MSI2: variants seen among roughly 807,000 people sequenced by gnomAD.
MSI2 encodes musashi RNA binding protein 2, also known as RNA-binding protein Musashi homolog 2.
MSI2 carries 17 observed loss-of-function variants against 45.6 expected under a neutral mutation model. The observed-to-expected ratio is 0.37, with a 90% CI of 0.26 to 0.56. The LOEUF (loss-of-function observed/expected upper bound fraction) is 0.56, where lower values mean the gene tolerates loss of function less well. MSI2 is among the 20% of genes least tolerant of loss of function. The pLI is 0.77. For synonymous variants in MSI2, 156 were observed against 158.2 expected (o/e 0.99, Z 0.11); for missense variants, 293 against 444.2 (o/e 0.66, Z 3.06).
intron 6 of MSI2, among the ~76,000 whole-genome samples, chr17:57,426,493 T>C (rs2143339577): frequency 6.6e-6 from 1 of 152,372 alleles, no homozygotes; most frequent in African/African-American, 2.4e-5. Flanking sequence ...TTGGGATTTT[T>C]CTCCAATTAT....
intron 5 of MSI2, among the ~76,000 whole-genome samples, chr17:57,273,932 C>T (rs1039422940): frequency 7.2e-5 from 11 of 152,152 alleles, no homozygotes; most frequent in Non-Finnish European, 1.5e-4. Flanking sequence ...AGTGTCAGAG[C>T]GGGGGAACTG....
intron 5 of MSI2, among the ~76,000 whole-genome samples, chr17:57,337,112 T>G (rs1368602132): frequency 6.6e-6 from 1 of 152,244 alleles, no homozygotes; most frequent in Non-Finnish European, 1.5e-5. Flanking sequence ...CCATTTCTTT[T>G]GGCTCTTAAA....
intron 10 of MSI2, among the ~76,000 whole-genome samples, chr17:57,635,600 G>A (rs1283632984): frequency 6.6e-6 from 1 of 152,278 alleles, no homozygotes; most frequent in Non-Finnish European, 1.5e-5. Context: ...ACGTGTCATG[G>A]CTTGGTGCCC....
chr17:57,447,592 G>C (rs1320517657), intron 6 of MSI2, among the ~76,000 whole-genome samples: 1 of 151,978 alleles, frequency 6.6e-6, no homozygotes, highest in Admixed American at 6.6e-5. Flanking sequence ...GCATGGGTGG[G>C]GGGGGTGTCT....
At chr17:57,290,766 A>T (rs1309272101) in intron 5 of MSI2, among the ~76,000 whole-genome samples, 3 of 152,206 alleles carry the variant, frequency 2.0e-5, no homozygotes, top group African/African-American at 7.2e-5. Flanking sequence ...TCAGTGTTTA[A>T]TATCTCAGGT....
At chr17:57,621,928 C>T (rs1273822729) in intron 9 of MSI2, among the ~76,000 whole-genome samples, 2 of 152,188 alleles carry the variant, frequency 1.3e-5, no homozygotes, top group African/African-American at 2.4e-5. Context: ...TTTTGCAGGT[C>T]AGTGCAGTGG....
chr17:57,476,289 C>T (rs1435381945), intron 6 of MSI2, among the ~76,000 whole-genome samples: 1 of 152,140 alleles, frequency 6.6e-6, no homozygotes, highest in African/African-American at 2.4e-5. Flanking sequence ...CCTCTGCATC[C>T]ACACTGCATT....
intron 7 of MSI2, among the ~76,000 whole-genome samples, chr17:57,539,931 A>C (rs941832921): frequency 3.3e-5 from 5 of 152,218 alleles, no homozygotes; most frequent in African/African-American, 1.2e-4. Context: ...CAAATGCAGA[A>C]TCTTCCTCTG....
intron 9 of MSI2, among the ~76,000 whole-genome samples, chr17:57,620,957 G>T (rs1469134196): frequency 6.6e-6 from 1 of 152,194 alleles, no homozygotes; most frequent in East Asian, 1.9e-4. Context: ...GCATCCACTG[G>T]GAACTCCCTG....
intron 5 of MSI2, among the ~76,000 whole-genome samples, chr17:57,302,909 C>T (rs865867571): frequency 2.6e-5 from 4 of 152,146 alleles, no homozygotes; most frequent in Non-Finnish European, 5.9e-5. Flanking sequence ...CAGCCCCAGG[C>T]AAACATCAAC....
At chr17:57,258,152 G>GT in intron 3 of MSI2, 118 bp from the exon 4 acceptor site, 2 of 760,292 alleles carry the variant, frequency 2.6e-6, no homozygotes. Flanking sequence ...GGGAGTGGGA[G>GT]GTGGGGGTGC....
intron 7 of MSI2, among the ~76,000 whole-genome samples, chr17:57,594,079 G>C (rs1905073738): frequency 1.3e-5 from 2 of 152,348 alleles, no homozygotes; most frequent in African/African-American, 4.8e-5. Context: ...GAGCAGAAAT[G>C]GCTCATTCAG....
intron 6 of MSI2, among the ~76,000 whole-genome samples, chr17:57,492,540 T>G (rs150805589): frequency 1.7e-3 from 260 of 152,314 alleles, no homozygotes; most frequent in African/African-American, 6.2e-3. Context: ...TGGGGCCTCT[T>G]TCCCATGCGT....
intron 7 of MSI2, among the ~76,000 whole-genome samples, chr17:57,541,956 G>A (rs2087057264): frequency 6.6e-6 from 1 of 152,078 alleles, no homozygotes. Flanking sequence ...CTCTGCACCA[G>A]ATCTGCAATG....
chr17:57,583,836 G>T (rs2088273260), intron 7 of MSI2, among the ~76,000 whole-genome samples: 1 of 152,136 alleles, frequency 6.6e-6, no homozygotes. Context: ...AGATGCTGGG[G>T]TGCTACCCCT....
In MSI2 at chr17:57,660,017, A is replaced by C. The variant is rs560527335; in HGVS notation, c.790+7856A>C. Among the ~76,000 whole-genome samples, 35 of 152,346 alleles carry C rather than the reference A, an allele frequency of 2.3e-4. No homozygotes were observed. The South Asian group carries it at 7.3e-3, about 32-fold the overall frequency. On this transcript the variant is annotated intron_variant, in intron 11 of 13. Coordinates refer to ENST00000284073, the MANE Select transcript of MSI2 (RefSeq NM_138962.4). The stretch of plus-strand genomic sequence containing the variant: ...TATCAGAAACCTCCCAACTCTGATT[A>C]AACACTATAGGTTAATGTTACAGGG...
intron 8 of MSI2, among the ~76,000 whole-genome samples, chr17:57,615,320 G>A (rs113490122): frequency 0.093 from 14,036 of 151,604 alleles, 786 homozygotes; most frequent in African/African-American, 0.14. Flanking sequence ...TAGTACAGAC[G>A]GGGTTTCACC....
intron 7 of MSI2, among the ~76,000 whole-genome samples, chr17:57,580,664 C>A (rs1266786028): frequency 2.0e-5 from 3 of 152,182 alleles, no homozygotes; most frequent in Non-Finnish European, 2.9e-5. Context: ...TGCCTGGATA[C>A]CCCTGTAATT....
intron 5 of MSI2, among the ~76,000 whole-genome samples, chr17:57,377,204 G>A (rs768772194): frequency 6.6e-6 from 1 of 152,218 alleles, no homozygotes; most frequent in Non-Finnish European, 1.5e-5. Context: ...ACAGGCGTGA[G>A]CCACCGTGCC....
Sources: gnomAD v4.1 joint callset for allele counts (sites outside exome capture counted in the v4.1 genomes callset) on GRCh38, gnomAD v4.1.1 for gene constraint, MANE v1.5 for transcripts, NCBI Gene and HGNC (gene_info 2026-07-23, HGNC 2026-07-21) for gene names.